The following JCAD variants were observed in gnomAD, a reference collection of about 807,000 sequenced individuals.
JCAD encodes junctional cadherin 5 associated.
Under a neutral mutation model 98.0 loss-of-function variants are expected in JCAD, and 40 were observed. The ratio of observed to expected loss-of-function variants is 0.41; its 90% CI spans 0.32 to 0.53. JCAD has a LOEUF of 0.53. Ranked by LOEUF, JCAD falls within the 20% of genes least tolerant of loss-of-function variation. The pLI, the probability that JCAD is intolerant of heterozygous loss-of-function variation, is 0.31. For synonymous variants in JCAD, 691 were observed against 682.3 expected, an observed-to-expected ratio of 1.01 and a Z score of -0.20; for missense variants, 1,705 against 1,738.1, an observed-to-expected ratio of 0.98 and a Z score of 0.34.
intron 1 of JCAD, among the ~76,000 whole-genome samples, chr10:30,077,080 G>A (rs1837995287): frequency 6.6e-6 from 1 of 152,104 alleles, no homozygotes; most frequent in African/African-American, 2.4e-5. Context: ...AGCCTGGGCG[G>A]GCCACTGAAA....
intron 1 of JCAD, among the ~76,000 whole-genome samples, chr10:30,111,551 G>A (rs1838703311): frequency 6.6e-6 from 1 of 152,190 alleles, no homozygotes; most frequent in Non-Finnish European, 1.5e-5. Flanking sequence ...CATAGTCCTA[G>A]GAGGAGATAC....
chr10:30,093,315 A>G (rs1838315815), intron 1 of JCAD, among the ~76,000 whole-genome samples: 1 of 152,210 alleles, frequency 6.6e-6, no homozygotes, highest in Non-Finnish European at 1.5e-5. Context: ...TTTCCATGGA[A>G]ATCCCAATGG....
intron 2 of JCAD, among the ~76,000 whole-genome samples, chr10:30,038,688 T>TAAA (rs11402293): frequency 0.036 from 4,390 of 122,010 alleles, 140 homozygotes; most frequent in Non-Finnish European, 0.047. Context: ...TGTCTCAAAA[T>TAAA]AAAAAAAAAA....
At chr10:30,103,793 G>A (rs113921730) in intron 1 of JCAD, among the ~76,000 whole-genome samples, 3,967 of 146,504 alleles carry the variant, frequency 0.027, 187 homozygotes, top group African/African-American at 0.094. Context: ...GTGCAATGAC[G>A]CAATCTTGGC....
chr10:30,109,063 G>C (rs1460802551), intron 1 of JCAD, among the ~76,000 whole-genome samples: 1 of 152,122 alleles, frequency 6.6e-6, no homozygotes, highest in Non-Finnish European at 1.5e-5. Flanking sequence ...TGCACGCCCT[G>C]GCACCCAGCA....
chr10:30,113,171 G>A (rs1040501447), intron 1 of JCAD, among the ~76,000 whole-genome samples: 61 of 152,190 alleles, frequency 4.0e-4, no homozygotes, highest in African/African-American at 1.4e-3. Context: ...CTTTGAATAG[G>A]AGGGTCAAAG....
At chr10:30,114,742 G>GTCTTAAACTAAGAC in intron 1 of JCAD, among the ~76,000 whole-genome samples, 1 of 151,986 alleles carries the variant, frequency 6.6e-6, no homozygotes, top group Non-Finnish European at 1.5e-5. Flanking sequence ...AGTCTCTAAT[G>GTCTTAAACTAAGAC]ATGTATCACT....
intron 1 of JCAD, among the ~76,000 whole-genome samples, chr10:30,102,781 A>G (rs1421593318): frequency 6.6e-6 from 1 of 152,226 alleles, no homozygotes; most frequent in Non-Finnish European, 1.5e-5. Flanking sequence ...TAAAGGAAAG[A>G]GATTTAATGG....
upstream of JCAD, among the ~76,000 whole-genome samples, chr10:30,063,168 C>T (rs983755752): frequency 6.7e-6 from 1 of 148,866 alleles, no homozygotes; most frequent in Non-Finnish European, 1.5e-5. Context: ...AAAAAAAACT[C>T]GCTTATGTGA....
In JCAD at chr10:30,026,942, C is replaced by A. The variant is rs767082065; in HGVS notation, c.3206G>T (p.Gly1069Val). 1.2e-5 allele frequency: 19 copies of A among 1,614,186 alleles called. No homozygotes were observed. The change falls in exon 3 of 4, where the codon GGT becomes GTT. Residue 1069 changes from glycine (G) to valine (V), a missense_variant. Physicochemically the swap from Gly to Val is moderately radical, Grantham distance 109. Transcript: ENST00000375377. ...GGGGATTTCTATTGTGCTTGCTTCA[C>A]CCAAAGACCCCTCTAGCTCACTGGC... ...QGASELEGSL[G>V]EASTIEIPPG... is the part of the protein sequence containing the mutation.
rs987753060 is a variant in JCAD, at chr10:30,017,625, A to G, written c.*258T>C. Reference sequence around the variant, plus strand: ...CTGTCATGAGGGAGGGTTTCTGTGAAAACTCCTTCCTAATTATAGGCATTA... The same window carrying G: ...CTGTCATGAGGGAGGGTTTCTGTGAGAACTCCTTCCTAATTATAGGCATTA... On this transcript the variant is annotated 3_prime_UTR_variant, in exon 4 of 4. Transcript: ENST00000375377. The G allele has an allele frequency of 9.0e-6, 5 of 555,716 alleles. No homozygotes were observed. The highest frequency in any genetic ancestry group is 3.9e-5 in the African/African-American group (2 of 51,866). 34.4% of individuals were successfully genotyped at this position (555,716 alleles called of 1,614,324 possible).
In JCAD at chr10:30,091,714, A is replaced by ATTT. The variant is rs11307523; in HGVS notation, n.129-21896_129-21894dup. ...TTTCTACTTTGGACTAAGTTTTTAA[A>ATTT]TTTTTTTTTTTTTTTTTTTTTTTTT... On this transcript the variant is annotated intron_variant and non_coding_transcript_variant, in intron 1 of 2. Coordinates refer to the JCAD transcript ENST00000465712. Among the ~76,000 whole-genome samples the ATTT allele has an allele frequency of 5.1e-3, 413 of 81,774 alleles. 16 individuals are homozygous for ATTT. The highest frequency in any genetic ancestry group is 0.015 in the African/African-American group (299 of 20,278). 53.6% of individuals were successfully genotyped at this position (81,774 alleles called of 152,430 possible).
At chr10:30,078,654 C>T (rs1838022122) in intron 1 of JCAD, among the ~76,000 whole-genome samples, 1 of 152,166 alleles carries the variant, frequency 6.6e-6, no homozygotes, top group Non-Finnish European at 1.5e-5. Context: ...CGAGTCGCTC[C>T]TTTAATGATC....
chr10:30,079,722 C>CTG (rs1166140820), intron 1 of JCAD, among the ~76,000 whole-genome samples: 1 of 152,174 alleles, frequency 6.6e-6, no homozygotes, highest in African/African-American at 2.4e-5. Context: ...GGGTCAGAGA[C>CTG]TGTGTATCAC....
intron 1 of JCAD, among the ~76,000 whole-genome samples, chr10:30,104,398 A>G (rs1838529665): frequency 6.6e-6 from 1 of 152,256 alleles, no homozygotes; most frequent in Non-Finnish European, 1.5e-5. Context: ...TGCAGCCATA[A>G]GAAAGAATGA....
At chr10:30,043,062 G>A (rs997770317) in intron 2 of JCAD, among the ~76,000 whole-genome samples, 5 of 152,136 alleles carry the variant, frequency 3.3e-5, no homozygotes, top group Non-Finnish European at 5.9e-5. Context: ...ACCAACTCTT[G>A]GTCCTTCTCC....
upstream of JCAD, among the ~76,000 whole-genome samples, chr10:30,063,417 T>C (rs1042160522): frequency 5.9e-5 from 9 of 151,938 alleles, no homozygotes; most frequent in Non-Finnish European, 7.4e-5. Flanking sequence ...AGAAAAAAAA[T>C]AAAAGCCAAG....
upstream of JCAD, among the ~76,000 whole-genome samples, chr10:30,062,707 G>T (rs1230421639): frequency 3.3e-5 from 5 of 152,160 alleles, no homozygotes. Context: ...AAGAGGGCAT[G>T]TGCAGGAGAA....
At chr10:30,050,624 CA>C (rs966440219) in intron 1 of JCAD, among the ~76,000 whole-genome samples, 1 of 152,230 alleles carries the variant, frequency 6.6e-6, no homozygotes, top group African/African-American at 2.4e-5. Context: ...GCAGAGAAGA[CA>C]TAACCCTCAC....
Sources: allele counts gnomAD v4.1 joint callset (sites outside exome capture counted in the v4.1 genomes callset), GRCh38; gene constraint gnomAD v4.1.1; transcripts MANE v1.5; gene names NCBI Gene and HGNC (gene_info 2026-07-23, HGNC 2026-07-21).